The following C12orf71 variants were observed in gnomAD, a reference collection of about 807,000 sequenced individuals.
C12orf71 encodes chromosome 12 open reading frame 71, also known as uncharacterized protein C12orf71.
In C12orf71, 10 loss-of-function variants were observed where a neutral mutation model predicts 11.7. The ratio of observed to expected loss-of-function variants is 0.86; its 90% CI spans 0.53 to 1.45. The LOEUF is 1.45. C12orf71 is among the 40% of genes most tolerant of loss of function. The pLI is 0.00. For missense variants in C12orf71, 293 were observed against 325.8 expected (o/e 0.90, Z 0.78); for synonymous variants, 110 against 123.4 (o/e 0.89, Z 0.72).
Position 27,081,478 on chromosome 12 carries a change from A to G in C12orf71, c.517-11T>C. 1 of 1,602,406 alleles carries G rather than the reference A, an allele frequency of 6.2e-7. No homozygotes were observed. Among genetic ancestry groups the G allele is most frequent in the Non-Finnish European group, 8.5e-7 (1 of 1,171,800 alleles). The stretch of plus-strand genomic sequence containing the variant: ...TGCCTGGCTTATCATCTGCCATGAA[A>G]ATGAAGGATGTGTTAGGTAGGAATA... On this transcript the variant is annotated splice_polypyrimidine_tract_variant and intron_variant, in intron 1 of 1. Transcript: ENST00000429849.
chr12:27,081,994 T>C lies in C12orf71; in HGVS notation c.490A>G (p.Ser164Gly). 6.3e-7 allele frequency: 1 copy of C among 1,585,346 alleles called. No individual in the cohort carries two copies. The highest frequency in any genetic ancestry group is 8.6e-7 in the Non-Finnish European group (1 of 1,164,124). ...ETAQQDFQLS[S>G]GSPPEMVQMI... ...TGAACCATTTCCGGAGGGGAGCCGC[T>C]GGATAGCTGGAAATCTTGCTGAGCA... The change falls in exon 1 of 2, where the codon AGC becomes GGC. Residue 164 changes from serine (S) to glycine (G), a missense_variant. By Grantham distance (56) the Ser-to-Gly change is moderately conservative (BLOSUM62 0). Coordinates refer to ENST00000429849, the MANE Select transcript of C12orf71 (RefSeq NM_001080406.2).
upstream of C12orf71, among the ~76,000 whole-genome samples, chr12:27,083,909 C>G (rs1017892710): frequency 3.9e-5 from 6 of 152,180 alleles, no homozygotes; most frequent in Admixed American, 3.9e-4. Context: ...TTCTGTGAAG[C>G]CCCAGAGTAA....
chr12:27,081,154 C>T lies in C12orf71; in HGVS notation c.*20G>A. On this transcript the variant is annotated 3_prime_UTR_variant, in exon 2 of 2. Transcript: ENST00000429849. The stretch of plus-strand genomic sequence containing the variant: ...TTATTATGGATTATTTTAAACTTTC[C>T]AAAAAGTTTAAAAATCTGTCTATAT... The T allele has an allele frequency of 6.4e-7, 1 of 1,553,754 alleles. No homozygotes were observed. Among genetic ancestry groups the T allele is most frequent in the Non-Finnish European group, 8.7e-7 (1 of 1,145,462 alleles).
upstream of C12orf71, among the ~76,000 whole-genome samples, chr12:27,083,100 C>T (rs1211593684): frequency 6.6e-6 from 1 of 151,992 alleles, no homozygotes; most frequent in East Asian, 1.9e-4. Context: ...GCCACCATGC[C>T]CAGCTAATTT....
intron 1 of C12orf71, 92 bp downstream of exon 1, chr12:27,081,876 A>AGAG: frequency 7.8e-7 from 1 of 1,288,380 alleles, no homozygotes; most frequent in Non-Finnish European, 1.1e-6. Flanking sequence ...CTTAAGCCTT[A>AGAG]GAGGAGTCTG....
chr12:27,081,603 A>G (rs759437669), intron 1 of C12orf71, 136 bp from the exon 2 acceptor site: 40 of 825,390 alleles, frequency 4.8e-5, no homozygotes, highest in Non-Finnish European at 7.3e-5. Context: ...ATGCTCATCA[A>G]TACTAAACAT....
At position 27,081,121 on chromosome 12, in the gene C12orf71, T is replaced by A; in HGVS notation, c.*53A>T. ...AAAACAAACTGATGGGGATTATTAA[T>A]GGAATCCTTATTATGGATTATTTTA... On this transcript the variant is annotated 3_prime_UTR_variant, in exon 2 of 2. Transcript: ENST00000429849. The A allele has an allele frequency of 7.3e-7, 1 of 1,368,386 alleles. No homozygotes were observed. The highest frequency in any genetic ancestry group is 1.0e-6 in the Non-Finnish European group (1 of 995,290). The allele number at this position is 1,368,386 out of a possible 1,614,324, so 84.8% of individuals were successfully genotyped here. A position where few individuals can be genotyped will look rare whatever the true frequency, so the allele number is the denominator to read the frequency against.
At chr12:27,081,611 CAT>C (rs1941933148) in intron 1 of C12orf71, 144 bp from the exon 2 acceptor site, 1 of 809,840 alleles carries the variant, frequency 1.2e-6, no homozygotes, top group Non-Finnish European at 1.9e-6. Context: ...CAATACTAAA[CAT>C]ATACGTTTTT....
upstream of C12orf71, among the ~76,000 whole-genome samples, chr12:27,083,989 CAAA>C (rs945794604): frequency 1.5e-4 from 23 of 152,262 alleles, no homozygotes; most frequent in African/African-American, 5.3e-4. Context: ...CACACACAAA[CAAA>C]AGACTGTCAC....
upstream of C12orf71, among the ~76,000 whole-genome samples, chr12:27,083,989 CAA>C (rs945794604): frequency 6.6e-6 from 1 of 152,144 alleles, no homozygotes; most frequent in Non-Finnish European, 1.5e-5. Flanking sequence ...CACACACAAA[CAA>C]AAGACTGTCA....
At position 27,082,528 on chromosome 12, in the gene C12orf71, A is replaced by G. The variant is rs750152445; in HGVS notation, c.-45T>C. On this transcript the variant is annotated 5_prime_UTR_variant, in exon 1 of 2. Coordinates refer to ENST00000429849, the MANE Select transcript of C12orf71 (RefSeq NM_001080406.2). ...TTCTCTCAACTTGAGAAGCTTCAAAAAAGAAAAAAGAAAAAATAGGTGGGA... is the reference window on the plus strand; with the variant it reads ...TTCTCTCAACTTGAGAAGCTTCAAAGAAGAAAAAAGAAAAAATAGGTGGGA... The G allele has an allele frequency of 7.1e-7, 1 of 1,408,814 alleles. No individual in the cohort carries two copies. Among genetic ancestry groups the G allele is most frequent in the Admixed American group, 3.0e-5 (1 of 33,720 alleles). The allele number at this position is 1,408,814 out of a possible 1,614,324, so 87.3% of individuals were successfully genotyped here.
intron 1 of C12orf71, 130 bp downstream of exon 1, chr12:27,081,836 ATC>A (rs1941935802): frequency 1.0e-6 from 1 of 965,338 alleles, no homozygotes; most frequent in Non-Finnish European, 1.6e-6. Flanking sequence ...CCTGTGAGGC[ATC>A]TCTGCTCTCC....
In C12orf71 at chr12:27,081,059, TG is replaced by T; in HGVS notation, c.*114del. Reference sequence around the variant, plus strand: ...GATGGTGTGCTGGGAGAGGAAGATGTGGGGTAACAAGAGCATTTATTTTGTT... The same window carrying T: ...GATGGTGTGCTGGGAGAGGAAGATGTGGGTAACAAGAGCATTTATTTTGTT... On this transcript the variant is annotated 3_prime_UTR_variant, in exon 2 of 2. Transcript: ENST00000429849. The T allele has an allele frequency of 1.3e-6, 1 of 763,810 alleles. No homozygotes were observed. Among genetic ancestry groups the T allele is most frequent in the Non-Finnish European group, 2.1e-6 (1 of 476,986 alleles). 47.3% of individuals were successfully genotyped at this position (763,810 alleles called of 1,614,324 possible). A position where few individuals can be genotyped will look rare whatever the true frequency, so the allele number is the denominator to read the frequency against.
chr12:27,081,834 G>T, intron 1 of C12orf71, 134 bp downstream of exon 1: 1 of 935,234 alleles, frequency 1.1e-6, no homozygotes, highest in Non-Finnish European at 1.7e-6. Context: ...GTCCTGTGAG[G>T]CATCTCTGCT....
chr12:27,082,608 T>A, upstream of C12orf71: 4 of 684,374 alleles, frequency 5.8e-6, no homozygotes, highest in Non-Finnish European at 8.6e-6. Context: ...TTCCCTTCTC[T>A]TTTTTCTTTT....
At chr12:27,081,583 C>T (rs1375330982) in intron 1 of C12orf71, 116 bp from the exon 2 acceptor site, 1 of 1,012,448 alleles carries the variant, frequency 9.9e-7, no homozygotes, top group Admixed American at 2.3e-5. Context: ...AGTGTCAATG[C>T]AGAGTTTCAA....
upstream of C12orf71, among the ~76,000 whole-genome samples, chr12:27,082,930 A>G (rs778167143): frequency 5.3e-5 from 8 of 150,714 alleles, no homozygotes; most frequent in Non-Finnish European, 1.2e-4. Flanking sequence ...ATTATCCAAT[A>G]GTTTTTGTTT....
chr12:27,083,568 T>C (rs1202944378), upstream of C12orf71, among the ~76,000 whole-genome samples: 3 of 152,232 alleles, frequency 2.0e-5, no homozygotes, highest in Admixed American at 1.3e-4. Context: ...TTATACAATA[T>C]GTCCACATAC....
upstream of C12orf71, among the ~76,000 whole-genome samples, chr12:27,083,731 A>G (rs11048845): frequency 2.1e-3 from 317 of 152,354 alleles, 5 homozygotes; most frequent in East Asian, 0.027. Context: ...CCGCTTTTCC[A>G]TAAATCTTTG....
Sources: allele counts gnomAD v4.1 joint callset (sites outside exome capture counted in the v4.1 genomes callset), GRCh38; gene constraint gnomAD v4.1.1; transcripts MANE v1.5; gene names NCBI Gene and HGNC (gene_info 2026-07-23, HGNC 2026-07-21).